Variants in FRMD4A observed in about 807,000 individuals in gnomAD.
FRMD4A encodes the protein FERM domain containing 4A, also known as FERM domain-containing protein 4A.
A neutral mutation model predicts 129.1 loss-of-function variants in FRMD4A; 29 were observed. The ratio of observed to expected loss-of-function variants is 0.22; its 90% CI spans 0.17 to 0.31. The LOEUF is 0.31. Ranked by LOEUF, FRMD4A falls within the 10% of genes least tolerant of loss-of-function variation. FRMD4A has a pLI of 1.00. For missense variants in FRMD4A, 1,272 were observed against 1,375.8 expected, an observed-to-expected ratio of 0.92 and a Z score of 1.19; for synonymous variants, 634 against 571.6, an observed-to-expected ratio of 1.11 and a Z score of -1.56.
intron 15 of FRMD4A, among the ~76,000 whole-genome samples, chr10:13,691,816 C>T (rs1329623193): frequency 1.3e-5 from 2 of 152,124 alleles, no homozygotes; most frequent in Non-Finnish European, 1.5e-5. Flanking sequence ...GGAAAAAACG[C>T]GATTGTAGGT....
intron 3 of FRMD4A, among the ~76,000 whole-genome samples, chr10:13,835,702 C>T (rs2093862586): frequency 6.6e-6 from 1 of 152,084 alleles, no homozygotes; most frequent in Non-Finnish European, 1.5e-5. Flanking sequence ...AGTCTAGTTG[C>T]AAGAAAATAA....
At chr10:13,963,999 C>T (rs954096027) in intron 2 of FRMD4A, among the ~76,000 whole-genome samples, 12 of 144,816 alleles carry the variant, frequency 8.3e-5, no homozygotes, top group African/African-American at 2.8e-4. Flanking sequence ...ATTATAAAAC[C>T]ATGAAACATT....
At chr10:14,164,695 C>G (rs1342063856) in intron 2 of FRMD4A, among the ~76,000 whole-genome samples, 4 of 152,262 alleles carry the variant, frequency 2.6e-5, no homozygotes, top group Non-Finnish European at 5.9e-5. Flanking sequence ...TTCCATAGAT[C>G]TGAGGAAATC....
At chr10:13,702,913 GAAAAA>G (rs34246612) in intron 13 of FRMD4A, among the ~76,000 whole-genome samples, 98 of 131,908 alleles carry the variant, frequency 7.4e-4, no homozygotes, top group Non-Finnish European at 8.2e-4. Flanking sequence ...AAAAGTGAAG[GAAAAA>G]AAAAAAAAAA....
At chr10:14,120,615 C>T (rs1180657135) in intron 2 of FRMD4A, among the ~76,000 whole-genome samples, 4 of 152,170 alleles carry the variant, frequency 2.6e-5, no homozygotes, top group Non-Finnish European at 4.4e-5. Flanking sequence ...GGTGGCTGTT[C>T]CCCAAACCTT....
chr10:13,804,063 A>G (rs963271997), intron 4 of FRMD4A, among the ~76,000 whole-genome samples: 1 of 152,170 alleles, frequency 6.6e-6, no homozygotes, highest in African/African-American at 2.4e-5. Context: ...TCTGGTCACT[A>G]AATATAAGGT....
chr10:14,119,196 C>T (rs1334087957), intron 2 of FRMD4A, among the ~76,000 whole-genome samples: 1 of 152,128 alleles, frequency 6.6e-6, no homozygotes, highest in African/African-American at 2.4e-5. Context: ...CATTTCCGTC[C>T]CTGCTGGCAC....
intron 2 of FRMD4A, among the ~76,000 whole-genome samples, chr10:13,879,808 T>G (rs2094527703): frequency 8.4e-6 from 1 of 119,002 alleles, no homozygotes; most frequent in African/African-American, 3.2e-5. Flanking sequence ...CTCCTCCTCC[T>G]CCTCCTCCTT....
chr10:13,696,068 C>T (rs1260392729), intron 14 of FRMD4A, among the ~76,000 whole-genome samples: 2 of 152,200 alleles, frequency 1.3e-5, no homozygotes, highest in Admixed American at 6.5e-5. Context: ...GGCCTTTCCT[C>T]GACTTATGCT....
intron 14 of FRMD4A, among the ~76,000 whole-genome samples, chr10:13,696,285 T>C (rs1440991938): frequency 6.6e-6 from 1 of 152,230 alleles, no homozygotes; most frequent in African/African-American, 2.4e-5. Flanking sequence ...TAAGCAAGCA[T>C]GGCGAGTACA....
At chr10:14,243,961 G>T (rs1306621891) in intron 2 of FRMD4A, among the ~76,000 whole-genome samples, 2 of 152,094 alleles carry the variant, frequency 1.3e-5, no homozygotes, top group Non-Finnish European at 2.9e-5. Context: ...TTCTCAACCT[G>T]TGGTCAAAGG....
chr10:13,658,425 T>C (rs2082358015), intron 21 of FRMD4A, among the ~76,000 whole-genome samples: 1 of 152,244 alleles, frequency 6.6e-6, no homozygotes, highest in African/African-American at 2.4e-5. Flanking sequence ...CAGTATCACA[T>C]GGCAGATGAT....
At chr10:14,048,791 G>A (rs1300520425) in intron 2 of FRMD4A, among the ~76,000 whole-genome samples, 1 of 151,182 alleles carries the variant, frequency 6.6e-6, no homozygotes, top group African/African-American at 2.4e-5. Flanking sequence ...GGGTGACAGA[G>A]CGAGACTCTT....
intron 2 of FRMD4A, among the ~76,000 whole-genome samples, chr10:14,229,902 GC>G (rs1326721859): frequency 6.6e-6 from 1 of 152,176 alleles, no homozygotes; most frequent in Non-Finnish European, 1.5e-5. Context: ...GGGTCATTCT[GC>G]CCCAAATCAA....
At chr10:14,015,008 C>T (rs1039263549) in intron 2 of FRMD4A, among the ~76,000 whole-genome samples, 1 of 138,528 alleles carries the variant, frequency 7.2e-6, no homozygotes, top group African/African-American at 2.7e-5. Flanking sequence ...TCCTTCCTTC[C>T]TCCCTCCCTC....
At chr10:13,710,848 T>C (rs766116560) in intron 12 of FRMD4A, among the ~76,000 whole-genome samples, 1 of 152,072 alleles carries the variant, frequency 6.6e-6, no homozygotes, top group African/African-American at 2.4e-5. Context: ...ACTCCGTCTC[T>C]GCGAAAAATA....
chr10:13,700,551 A>G (rs2086709396), intron 14 of FRMD4A, among the ~76,000 whole-genome samples: 1 of 152,198 alleles, frequency 6.6e-6, no homozygotes, highest in Admixed American at 6.5e-5. Context: ...GAGAAGCTGC[A>G]GGGCCATCTT....
At chr10:13,890,542 T>G (rs1377878369) in intron 2 of FRMD4A, 1 of 980,186 alleles carries the variant, frequency 1.0e-6, no homozygotes, top group African/African-American at 1.7e-5. Flanking sequence ...GCAGATGTAT[T>G]CCCGATAGAA....
chr10:13,907,096 G>A (rs962102757), intron 2 of FRMD4A, among the ~76,000 whole-genome samples: 6 of 152,038 alleles, frequency 3.9e-5, no homozygotes, highest in African/African-American at 9.7e-5. Context: ...CAACACTGCC[G>A]AAAAATGATG....
Sources: gnomAD v4.1 joint callset for allele counts (sites outside exome capture counted in the v4.1 genomes callset) on GRCh38, gnomAD v4.1.1 for gene constraint, MANE v1.5 for transcripts, NCBI Gene and HGNC (gene_info 2026-07-23, HGNC 2026-07-21) for gene names.